Variants in DNAJC14 observed in about 807,000 individuals in gnomAD.
DNAJC14 encodes the protein dnaJ homolog subfamily C member 14.
In DNAJC14, 12 loss-of-function variants were observed where a neutral mutation model predicts 68.8. That is an observed-to-expected ratio of 0.17 (90% CI 0.11 to 0.28). The LOEUF is 0.28. Ranked by LOEUF, DNAJC14 falls within the 10% of genes least tolerant of loss-of-function variation. The pLI is 1.00. For synonymous variants in DNAJC14, 350 were observed against 321.5 expected, an observed-to-expected ratio of 1.09 and a Z score of -0.95; for missense variants, 764 against 875.6, an observed-to-expected ratio of 0.87 and a Z score of 1.61.
rs751993312 is a variant in DNAJC14 at position 55,828,067 on chromosome 12, G to A, written c.592C>T (p.Arg198Trp). ...SGKKPPSRRQ[R>W]HRFPTKEDTR... ...TCCTCCTTCGTTGGAAAGCGGTGCCGCTGTCTCCGGGATGGGGGTTTCTTT... is the reference window on the plus strand; with the variant it reads ...TCCTCCTTCGTTGGAAAGCGGTGCCACTGTCTCCGGGATGGGGGTTTCTTT... Residue 198 changes from arginine to tryptophan, a missense_variant, in exon 2 of 7, where the codon CGG (arginine) becomes TGG (tryptophan). By Grantham distance (101) the Arg-to-Trp change is moderately radical. Coordinates refer to ENST00000678005, the MANE Select transcript of DNAJC14 (RefSeq NM_032364.6). 6 of 1,607,438 alleles carry A rather than the reference G, an allele frequency of 3.7e-6. No homozygotes were observed. The highest frequency in any genetic ancestry group is 2.2e-5 in the East Asian group (1 of 44,800).
At chr12:55,829,018 G>A (rs1181829968) in intron 1 of DNAJC14, 1 of 834,082 alleles carries the variant, frequency 1.2e-6, no homozygotes, top group Non-Finnish European at 1.5e-6. Context: ...TTAGGAAAAT[G>A]GGAAAGACCG....
Position 55,828,069 on chromosome 12 carries a change from T to A in DNAJC14, c.590A>T (p.Gln197Leu), listed in dbSNP as rs762370980. Residue 197 changes from glutamine (Q) to leucine (L), a missense_variant, in exon 2 of 7, where the codon CAG becomes CTG. Physicochemically the swap from Gln to Leu is moderately radical, Grantham distance 113 (BLOSUM62 -2). Coordinates refer to ENST00000678005, the MANE Select transcript of DNAJC14 (RefSeq NM_032364.6). ...CTCCTTCGTTGGAAAGCGGTGCCGCTGTCTCCGGGATGGGGGTTTCTTTCC... is the reference window on the plus strand; with the variant it reads ...CTCCTTCGTTGGAAAGCGGTGCCGCAGTCTCCGGGATGGGGGTTTCTTTCC... ...SSGKKPPSRR[Q>L]RHRFPTKEDT... is the part of the protein sequence containing the mutation. 2 of 1,608,000 alleles carry A rather than the reference T, an allele frequency of 1.2e-6. No individual in the cohort carries two copies. The highest frequency in any genetic ancestry group is 2.7e-5 in the African/African-American group (2 of 74,706).
rs1308191392 is a variant in DNAJC14 at position 55,822,731 on chromosome 12, T to A, written c.1636A>T (p.Arg546Trp). The A allele has an allele frequency of 6.2e-7, 1 of 1,613,926 alleles. No homozygotes were observed. The highest frequency in any genetic ancestry group is 8.5e-7 in the Non-Finnish European group (1 of 1,179,900). ...MCSRCQGKHRRFEMDREPKSA... is the reference protein window; with the variant it reads ...MCSRCQGKHRWFEMDREPKSA... ...TTAGGTTCCCGGTCCATTTCAAACC[T>A]CCTGCAACCAACAAAAGGATAGTTC... Residue 546 changes from arginine to tryptophan, a missense_variant and splice_region_variant, in exon 5 of 7, where the codon AGG (arginine) becomes TGG (tryptophan). By Grantham distance (101) the Arg-to-Trp change is moderately radical. Around this residue, in one of 4 missense-constraint regions of DNAJC14, gnomAD observed 110 missense variants for 162.7 expected, o/e 0.68. Coordinates refer to ENST00000678005, the MANE Select transcript of DNAJC14 (RefSeq NM_032364.6).
Position 55,827,679 on chromosome 12 carries a change from A to G in DNAJC14, c.980T>C (p.Leu327Pro), listed in dbSNP as rs1366553724. 6.2e-7 allele frequency: 1 copy of G among 1,614,064 alleles called. No homozygotes were observed. The highest frequency in any genetic ancestry group is 8.5e-7 in the Non-Finnish European group (1 of 1,179,966). The stretch of plus-strand genomic sequence containing the variant: ...CAGAGCCAGGAGCAGCAAAGCACCC[A>G]GCAGCTTAAGAAAACGAGTAAACAG... The part of the protein sequence containing the change: ...VGLFTRFLKL[L>P]GALLLLALAL... Residue 327 changes from leucine (L) to proline (P), a missense_variant, in exon 2 of 7, where the codon CTG (leucine) becomes CCG (proline). This residue lies in a region of DNAJC14 where 514 missense variants were observed against 521.7 expected (regional missense o/e 0.99). Coordinates refer to ENST00000678005, the MANE Select transcript of DNAJC14 (RefSeq NM_032364.6).
At position 55,828,680 on chromosome 12, in the gene DNAJC14, T is replaced by G. The variant is rs776653831; in HGVS notation, c.-22A>C. 3 of 1,599,470 alleles carry G rather than the reference T, an allele frequency of 1.9e-6. No individual in the cohort carries two copies. Among genetic ancestry groups the G allele is most frequent in the Non-Finnish European group, 2.6e-6 (3 of 1,171,756 alleles). On this transcript the variant is annotated 5_prime_UTR_variant, in exon 2 of 7. Transcript: ENST00000678005. ...CCATGACCCCGGGGCTTCCTGAGGG[T>G]CTTAGGTCACAGCCATCATGGTGTG... is the stretch of plus-strand genomic sequence containing the variant.
intron 2 of DNAJC14, among the ~76,000 whole-genome samples, chr12:55,825,944 T>A (rs1880783943): frequency 6.6e-6 from 1 of 152,170 alleles, no homozygotes; most frequent in South Asian, 2.1e-4. Flanking sequence ...GAGTTGCTGA[T>A]CTTGAAACAG....
At chr12:55,826,271 C>CTTTTTTTTTTTTTTTTTTTT (rs1164806475) in intron 2 of DNAJC14, among the ~76,000 whole-genome samples, 1 of 85,798 alleles carries the variant, frequency 1.2e-5, no homozygotes, top group Non-Finnish European at 2.1e-5. Flanking sequence ...GGGAAAATAT[C>CTTTTTTTTTTTTTTTTTTTT]TTTTTTTTTT....
chr12:55,827,667 A>C lies in DNAJC14; in HGVS notation c.992T>G (p.Leu331Arg), dbSNP rs898041730. Residue 331 changes from leucine to arginine, a missense_variant, in exon 2 of 7, where the codon CTG becomes CGG. Physicochemically the swap from Leu to Arg is moderately radical, Grantham distance 102 (BLOSUM62 -2). Coordinates refer to ENST00000678005, the MANE Select transcript of DNAJC14 (RefSeq NM_032364.6). ...CAAAAAGAGGGCCAGAGCCAGGAGC[A>C]GCAAAGCACCCAGCAGCTTAAGAAA... The part of the protein sequence containing the change: ...TRFLKLLGAL[L>R]LLALALFLGF... The C allele has an allele frequency of 1.9e-6, 3 of 1,613,662 alleles. No homozygotes were observed. In the African/African-American group the frequency reaches 4.0e-5, roughly 22 times the overall value.
intron 2 of DNAJC14, among the ~76,000 whole-genome samples, chr12:55,825,151 A>AG: frequency 6.6e-6 from 1 of 151,522 alleles, no homozygotes; most frequent in East Asian, 1.9e-4. Context: ...AAAAAAAAAA[A>AG]AGAATATACC....
intron 2 of DNAJC14, among the ~76,000 whole-genome samples, chr12:55,824,922 G>C (rs146622744): frequency 6.6e-6 from 1 of 152,018 alleles, no homozygotes; most frequent in African/African-American, 2.4e-5. Flanking sequence ...CTTGAGTCCA[G>C]GAGTTCGAGA....
intron 4 of DNAJC14, 98 bp from the exon 5 acceptor site, chr12:55,822,830 C>G (rs1880704576): frequency 6.8e-7 from 1 of 1,481,026 alleles, no homozygotes; most frequent in South Asian, 1.3e-5. Context: ...GCTGAAACAT[C>G]TAAAATTACC....
chr12:55,825,833 C>T (rs1008176282), intron 2 of DNAJC14, among the ~76,000 whole-genome samples: 1 of 151,504 alleles, frequency 6.6e-6, no homozygotes, highest in South Asian at 2.1e-4. Context: ...CGTAAGCCAC[C>T]GCGCCTGGCC....
chr12:55,829,712 G>A (rs1880921658), upstream of DNAJC14: 1 of 670,224 alleles, frequency 1.5e-6, no homozygotes, highest in East Asian at 1.4e-4. Context: ...ATCCAGCTAG[G>A]GCTGCGTCGA....
intron 3 of DNAJC14, 88 bp from the exon 4 acceptor site, chr12:55,823,277 A>C: frequency 6.2e-7 from 1 of 1,602,450 alleles, no homozygotes. Flanking sequence ...GCCCCTGTCT[A>C]GCGAGAAAGA....
In DNAJC14 at chr12:55,827,825, T is replaced by C. The variant is rs775230746; in HGVS notation, c.834A>G (p.Gln278=). Residue 278 remains glutamine (Q), a synonymous_variant, in exon 2 of 7, where the codon CAA becomes CAG. Transcript: ENST00000678005. ...TCGHLIYACR[Q]LKSSDLDLFR... ...AAAGGTCCAAATCACTGCTTTTCAG[T>C]TGCCTGCAGGCATAGATGAGATGGC... The C allele has an allele frequency of 1.2e-6, 2 of 1,613,908 alleles. No individual in the cohort carries two copies. Among genetic ancestry groups the C allele is most frequent in the Non-Finnish European group, 1.7e-6 (2 of 1,179,908 alleles).
chr12:55,823,003 T>G, intron 4 of DNAJC14, 67 bp downstream of exon 4: 1 of 1,598,814 alleles, frequency 6.3e-7, no homozygotes. Flanking sequence ...CAGTACTCAC[T>G]AGAAAGATCC....
chr12:55,822,536 A>C (rs1880696439), intron 5 of DNAJC14, 36 bp downstream of exon 5: 1 of 1,613,808 alleles, frequency 6.2e-7, no homozygotes, highest in Non-Finnish European at 8.5e-7. Context: ...AAAGATCAGG[A>C]AGTATGAGCC....
rs749572324 is a variant in DNAJC14, at chr12:55,828,639, C to T, written c.20G>A (p.Gly7Glu). Residue 7 changes from glycine (G) to glutamate (E), a missense_variant, in exon 2 of 7, where the codon GGA becomes GAA. Physicochemically the swap from Gly to Glu is moderately conservative, Grantham distance 98. Transcript: ENST00000678005. ...GTGGGCTCCATACAACCCTCTTTCT[C>T]CGGGGTGCTTCTGGGCCATGACCCC... MAQKHP[G>E]ERGLYGAHHS... is the part of the protein sequence containing the mutation. 3.7e-6 allele frequency: 6 copies of T among 1,613,194 alleles called. No homozygotes were observed. The highest frequency in any genetic ancestry group is 5.1e-6 in the Non-Finnish European group (6 of 1,179,416).
Position 55,828,579 on chromosome 12 carries a change from G to GGTCCTAAA in DNAJC14, c.72_79dup (p.Pro27LeufsTer2). ...TGAAGGTATTTCAGGGTCCACGGAGGGTCCTAAAGTCCTGAGGGAGGCACC... is the reference window on the plus strand; with the variant it reads ...TGAAGGTATTTCAGGGTCCACGGAGGGTCCTAAAGTCCTAAAGTCCTGAGGGAGGCACC... On this transcript the variant is annotated stop_gained and frameshift_variant, in exon 2 of 7. Transcript: ENST00000678005. LOFTEE classifies it high-confidence loss of function. The GGTCCTAAA allele has an allele frequency of 6.2e-7, 1 of 1,613,910 alleles. No homozygotes were observed. Among genetic ancestry groups the GGTCCTAAA allele is most frequent in the African/African-American group, 1.3e-5 (1 of 74,850 alleles).
Sources: gnomAD v4.1 joint callset for allele counts (sites outside exome capture counted in the v4.1 genomes callset) on GRCh38, gnomAD v4.1.1 for gene constraint, gnomAD v4.1.1 regional missense constraint, MANE v1.5 for transcripts, NCBI Gene and HGNC (gene_info 2026-07-23, HGNC 2026-07-21) for gene names.